CSMD3: variants seen among roughly 807,000 people sequenced by gnomAD.
The protein encoded by CSMD3 is CUB and Sushi multiple domains 3.
A neutral mutation model predicts 435.2 loss-of-function variants in CSMD3; 177 were observed. The observed-to-expected ratio is 0.41, with a 90% CI of 0.36 to 0.46. The LOEUF (loss-of-function observed/expected upper bound fraction) is 0.46, where lower values mean the gene tolerates loss of function less well. Ranked by LOEUF, CSMD3 falls within the 20% of genes least tolerant of loss-of-function variation. The pLI is 0.34. For synonymous variants in CSMD3, 1,656 were observed against 1,520.5 expected (o/e 1.09, Z -2.07); for missense variants, 4,265 against 4,504.6 (o/e 0.95, Z 1.52).
Position 112,650,151 on chromosome 8 carries a change from G to T in CSMD3, c.3193+10C>A, listed in dbSNP as rs1437014781. The T allele has an allele frequency of 1.9e-6, 3 of 1,595,602 alleles. No individual in the cohort carries two copies. Among genetic ancestry groups the T allele is most frequent in the East Asian group, 4.5e-5 (2 of 44,790 alleles). Reference sequence around the variant, plus strand: ...AATCAGCATATTTTGCATGTCAAATGAGTTATTACCATCACAGGTTGGAAG... The same window carrying T: ...AATCAGCATATTTTGCATGTCAAATTAGTTATTACCATCACAGGTTGGAAG... On this transcript the variant is annotated intron_variant, in intron 19 of 70. Transcript: ENST00000297405.
intron 4 of CSMD3, among the ~76,000 whole-genome samples, chr8:113,169,388 A>G (rs1306935568): frequency 6.6e-6 from 1 of 151,968 alleles, no homozygotes; most frequent in Non-Finnish European, 1.5e-5. Flanking sequence ...AAACTATCTC[A>G]CCTGTCAGAT....
intron 4 of CSMD3, among the ~76,000 whole-genome samples, chr8:113,127,095 T>C (rs1277728463): frequency 6.6e-6 from 1 of 152,048 alleles, no homozygotes. Flanking sequence ...TTATATATTA[T>C]ACAAATGAAC....
At chr8:112,459,355 G>T (rs1370274068) in intron 32 of CSMD3, among the ~76,000 whole-genome samples, 1 of 88,422 alleles carries the variant, frequency 1.1e-5, no homozygotes, top group African/African-American at 5.9e-5. Context: ...TTGTGTGTGT[G>T]TGTGGGGGGG....
At chr8:113,032,176 T>C (rs1017883764) in intron 5 of CSMD3, among the ~76,000 whole-genome samples, 3 of 151,576 alleles carry the variant, frequency 2.0e-5, no homozygotes, top group Non-Finnish European at 4.4e-5. Flanking sequence ...GTTACTCCTA[T>C]AAAGATAACC....
intron 27 of CSMD3, among the ~76,000 whole-genome samples, chr8:112,534,515 C>T (rs1004842953): frequency 6.6e-6 from 1 of 152,124 alleles, no homozygotes; most frequent in South Asian, 2.1e-4. Context: ...CAATTACAGG[C>T]TCTGAAATTG....
intron 50 of CSMD3, 77 bp downstream of exon 50, chr8:112,310,901 A>G (rs1158906613): frequency 8.3e-7 from 1 of 1,201,182 alleles, no homozygotes; most frequent in Admixed American, 1.8e-5. Context: ...CAGAAAAGTT[A>G]GTGATCCAAA....
chr8:112,277,033 T>A (rs941272643), intron 59 of CSMD3, among the ~76,000 whole-genome samples: 1 of 152,136 alleles, frequency 6.6e-6, no homozygotes, highest in Non-Finnish European at 1.5e-5. Context: ...TTCTCTCTTG[T>A]GCTCTGGAGA....
intron 4 of CSMD3, among the ~76,000 whole-genome samples, chr8:113,109,434 TC>T (rs1387180027): frequency 1.5e-4 from 23 of 152,132 alleles, no homozygotes; most frequent in Non-Finnish European, 2.5e-4. Flanking sequence ...GATATCTGCT[TC>T]TAAAATACAA....
At chr8:113,281,068 G>T (rs907275621) in intron 2 of CSMD3, among the ~76,000 whole-genome samples, 1 of 151,566 alleles carries the variant, frequency 6.6e-6, no homozygotes, top group Non-Finnish European at 1.5e-5. Flanking sequence ...GCTCGTTTTT[G>T]GCCTATCATG....
intron 4 of CSMD3, among the ~76,000 whole-genome samples, chr8:113,100,993 T>C (rs905907034): frequency 6.6e-6 from 1 of 152,092 alleles, no homozygotes; most frequent in Admixed American, 6.6e-5. Context: ...CCTTTCTCAC[T>C]GAGATCTCTA....
In CSMD3 at chr8:112,223,197, T is replaced by A. The variant is rs1812302698; in HGVS notation, c.*1574A>T. ...TGGCATAAAATTTAAAACTGCATCC[T>A]GCCAGTAGAGTACCATGTTGAGAAA... On this transcript the variant is annotated 3_prime_UTR_variant, in exon 71 of 71. Coordinates refer to ENST00000297405, the MANE Select transcript of CSMD3 (RefSeq NM_198123.2). 1 of 394,304 alleles carries A rather than the reference T, an allele frequency of 2.5e-6. No individual in the cohort carries two copies. The highest frequency in any genetic ancestry group is 1.3e-4 in the South Asian group (1 of 7,618). 24.4% of individuals were successfully genotyped at this position (394,304 alleles called of 1,614,324 possible).
At chr8:112,281,066 G>A in intron 59 of CSMD3, 108 bp downstream of exon 59, 2 of 837,406 alleles carry the variant, frequency 2.4e-6, no homozygotes, top group South Asian at 1.6e-5. Flanking sequence ...AGTACAAACA[G>A]TTAAAACCTT....
chr8:112,365,393 T>G (rs1029111110), intron 38 of CSMD3, among the ~76,000 whole-genome samples: 1 of 150,600 alleles, frequency 6.6e-6, no homozygotes, highest in African/African-American at 2.4e-5. Context: ...AGACACAAAT[T>G]GAGAAATTTA....
intron 45 of CSMD3, among the ~76,000 whole-genome samples, chr8:112,322,471 G>A (rs961944339): frequency 6.6e-6 from 1 of 152,018 alleles, no homozygotes; most frequent in Non-Finnish European, 1.5e-5. Flanking sequence ...GTGAGCCCAT[G>A]GAGGGTCTGA....
chr8:112,888,479 G>C (rs575613093), intron 10 of CSMD3, among the ~76,000 whole-genome samples: 1 of 151,630 alleles, frequency 6.6e-6, no homozygotes, highest in Non-Finnish European at 1.5e-5. Flanking sequence ...TGATCTCAAG[G>C]AGCAGCAATG....
chr8:112,562,442 G>C (rs756251261), intron 24 of CSMD3, among the ~76,000 whole-genome samples: 1 of 150,772 alleles, frequency 6.6e-6, no homozygotes, highest in Non-Finnish European at 1.5e-5. Context: ...AGTATTTAAC[G>C]GTCAATGAAG....
intron 3 of CSMD3, among the ~76,000 whole-genome samples, chr8:113,230,845 T>C (rs2093077888): frequency 6.6e-6 from 1 of 151,554 alleles, no homozygotes; most frequent in Admixed American, 6.6e-5. Flanking sequence ...TCTCATGTAA[T>C]AATACTTTTT....
intron 63 of CSMD3, among the ~76,000 whole-genome samples, chr8:112,252,731 C>T (rs2098455): frequency 0.24 from 34,858 of 146,246 alleles, 4,304 homozygotes; most frequent in East Asian, 0.36. Context: ...CTGCCATATG[C>T]ATGTAAGAAA....
chr8:112,363,100 C>G (rs553922860), intron 38 of CSMD3, among the ~76,000 whole-genome samples: 3 of 151,908 alleles, frequency 2.0e-5, no homozygotes, highest in Middle Eastern at 6.3e-3. Context: ...CATCCTGGCT[C>G]CTCTAGTTGC....
Sources: gnomAD v4.1 joint callset for allele counts (sites outside exome capture counted in the v4.1 genomes callset) on GRCh38, gnomAD v4.1.1 for gene constraint, MANE v1.5 for transcripts, NCBI Gene and HGNC (gene_info 2026-07-23, HGNC 2026-07-21) for gene names.